PDE3A: variants seen among roughly 807,000 people sequenced by gnomAD.
PDE3A encodes phosphodiesterase 3A.
PDE3A carries 43 observed loss-of-function variants against 98.3 expected under a neutral mutation model. That is an observed-to-expected ratio of 0.44 (90% CI 0.34 to 0.56). The LOEUF is 0.56. Ranked by LOEUF, PDE3A falls within the 20% of genes least tolerant of loss-of-function variation. PDE3A has a pLI of 0.01. For missense variants in PDE3A, 1,427 were observed against 1,440.7 expected (o/e 0.99, Z 0.15); for synonymous variants, 663 against 567.9 (o/e 1.17, Z -2.38).
chr12:20,419,156 A>G (rs997715296), intron 1 of PDE3A, among the ~76,000 whole-genome samples: 2 of 152,204 alleles, frequency 1.3e-5, no homozygotes, highest in African/African-American at 4.8e-5. Context: ...TCTTTTAAAA[A>G]TCTTAGAGCA....
At chr12:20,556,112 A>G (rs1038198300) in intron 1 of PDE3A, among the ~76,000 whole-genome samples, 5 of 152,172 alleles carry the variant, frequency 3.3e-5, no homozygotes, top group Non-Finnish European at 5.9e-5. Flanking sequence ...TATTACCACC[A>G]TAGGAATAAC....
chr12:20,462,806 T>TA (rs1945274651), intron 1 of PDE3A, among the ~76,000 whole-genome samples: 1 of 152,056 alleles, frequency 6.6e-6, no homozygotes, highest in Non-Finnish European at 1.5e-5. Context: ...TTTTTTTTTT[T>TA]ATGAGTCAGC....
chr12:20,595,730 T>C (rs1482790800), intron 2 of PDE3A, among the ~76,000 whole-genome samples: 1 of 152,188 alleles, frequency 6.6e-6, no homozygotes, highest in African/African-American at 2.4e-5. Flanking sequence ...GTCTTAATTA[T>C]ATATTCTTCA....
chr12:20,652,987 T>C (rs1016780405), intron 14 of PDE3A, among the ~76,000 whole-genome samples: 1 of 152,160 alleles, frequency 6.6e-6, no homozygotes, highest in African/African-American at 2.4e-5. Context: ...TCTCGAAATA[T>C]GGAAATGCAG....
chr12:20,536,415 G>C (rs190212436), intron 1 of PDE3A, among the ~76,000 whole-genome samples: 2 of 151,894 alleles, frequency 1.3e-5, no homozygotes, highest in Non-Finnish European at 2.9e-5. Context: ...TCCACTTAAA[G>C]TATACAATTC....
rs1565561126 is a variant in PDE3A, at chr12:20,475,215, G to GTATA, written c.961-81444_961-81443insATAT. Among the ~76,000 whole-genome samples, 6 of 149,052 alleles carry GTATA rather than the reference G, an allele frequency of 4.0e-5. No homozygotes were observed. The East Asian group carries it at 1.2e-3, about 30-fold the overall frequency. ...TGTGTGTGTGTGTGTGTGTGTGTGT[G>GTATA]TGTATGTTCCTTCTTTTAAAATTCC... On this transcript the variant is annotated intron_variant, in intron 1 of 15. Transcript: ENST00000359062.
chr12:20,644,889 TTC>T (rs1424838903), intron 10 of PDE3A, among the ~76,000 whole-genome samples: 4 of 72,794 alleles, frequency 5.5e-5, no homozygotes, highest in Admixed American at 1.6e-4. Context: ...CTCTTCTTCC[TTC>T]TTTTTTTTTT....
chr12:20,486,434 A>T (rs1258964763), intron 1 of PDE3A, among the ~76,000 whole-genome samples: 1 of 152,168 alleles, frequency 6.6e-6, no homozygotes, highest in Admixed American at 6.5e-5. Flanking sequence ...GACACATCGG[A>T]ATCATGGGGA....
intron 1 of PDE3A, among the ~76,000 whole-genome samples, chr12:20,404,396 T>G (rs1033646761): frequency 6.6e-6 from 1 of 152,114 alleles, no homozygotes; most frequent in African/African-American, 2.4e-5. Context: ...AAATCACTTA[T>G]GTAGAAAGCC....
intron 1 of PDE3A, among the ~76,000 whole-genome samples, chr12:20,536,765 C>G (rs1941759877): frequency 6.6e-6 from 1 of 151,882 alleles, no homozygotes; most frequent in Admixed American, 6.6e-5. Context: ...TATGGATATA[C>G]CATTTTTGTT....
At chr12:20,679,157 A>G (rs908091245) in intron 15 of PDE3A, among the ~76,000 whole-genome samples, 2 of 152,230 alleles carry the variant, frequency 1.3e-5, no homozygotes, top group Admixed American at 6.5e-5. Context: ...AGACAATACC[A>G]GCTTGAAAAT....
chr12:20,377,232 A>T (rs1007901810), intron 1 of PDE3A, among the ~76,000 whole-genome samples: 11 of 151,874 alleles, frequency 7.2e-5, no homozygotes, highest in Admixed American at 1.3e-4. Flanking sequence ...ATTATAGATA[A>T]GCACTGTCCA....
chr12:20,435,419 T>C (rs1944763924), intron 1 of PDE3A, among the ~76,000 whole-genome samples: 1 of 152,180 alleles, frequency 6.6e-6, no homozygotes. Flanking sequence ...TGTACTGAAA[T>C]AGTGAACCTG....
intron 1 of PDE3A, among the ~76,000 whole-genome samples, chr12:20,546,264 G>T (rs1015953980): frequency 3.3e-5 from 5 of 151,822 alleles, no homozygotes; most frequent in African/African-American, 1.2e-4. Flanking sequence ...TAGCTTCTTT[G>T]GCCTAAGCCC....
At chr12:20,444,339 C>T (rs1287946860) in intron 1 of PDE3A, among the ~76,000 whole-genome samples, 1 of 152,168 alleles carries the variant, frequency 6.6e-6, no homozygotes, top group Non-Finnish European at 1.5e-5. Flanking sequence ...ACACTGCTCA[C>T]TTTTCCTTTC....
intron 1 of PDE3A, among the ~76,000 whole-genome samples, chr12:20,440,040 G>A (rs1944844337): frequency 6.6e-6 from 1 of 151,710 alleles, no homozygotes; most frequent in Non-Finnish European, 1.5e-5. Flanking sequence ...TTTTTATTTG[G>A]GTACTGTATA....
At chr12:20,381,607 G>C (rs1249520542) in intron 1 of PDE3A, among the ~76,000 whole-genome samples, 1 of 151,748 alleles carries the variant, frequency 6.6e-6, no homozygotes, top group African/African-American at 2.4e-5. Flanking sequence ...AGGTCCTAAT[G>C]CTATTCACGA....
intron 1 of PDE3A, among the ~76,000 whole-genome samples, chr12:20,425,274 C>A (rs11045234): frequency 0.52 from 78,293 of 151,828 alleles, 20,956 homozygotes; most frequent in East Asian, 0.89. Context: ...TTTCCACCGG[C>A]AGATGGGTGC....
chr12:20,668,977 G>T (rs2120402057), intron 15 of PDE3A, among the ~76,000 whole-genome samples: 1 of 149,756 alleles, frequency 6.7e-6, no homozygotes, highest in Middle Eastern at 3.5e-3. Context: ...TGTATAACTA[G>T]AATAACCAAT....
Sources: gnomAD v4.1 joint callset for allele counts (sites outside exome capture counted in the v4.1 genomes callset) on GRCh38, gnomAD v4.1.1 for gene constraint, MANE v1.5 for transcripts, NCBI Gene and HGNC (gene_info 2026-07-23, HGNC 2026-07-21) for gene names.